The following YIPF6 variants were observed in gnomAD, a reference collection of about 807,000 sequenced individuals.
YIPF6 encodes protein YIPF6.
YIPF6 carries 3 observed loss-of-function variants against 16.8 expected under a neutral mutation model. The ratio of observed to expected loss-of-function variants is 0.18; its 90% CI spans 0.08 to 0.46. YIPF6 has a LOEUF of 0.46. YIPF6 is among the 20% of genes least tolerant of loss of function. YIPF6 has a pLI of 0.98. For missense variants in YIPF6, 145 were observed against 184.9 expected, an observed-to-expected ratio of 0.78 and a Z score of 1.25; for synonymous variants, 67 against 61.9, an observed-to-expected ratio of 1.08 and a Z score of -0.38.
intron 1 of YIPF6, among the ~76,000 whole-genome samples, chrX:68,509,397 C>A (rs1287889002): frequency 9.0e-6 from 1 of 111,518 alleles, no homozygotes; most frequent in Non-Finnish European, 1.9e-5. Flanking sequence ...GGGTTACAGG[C>A]ATGAGCCACT....
chrX:68,526,774 G>A (rs7054638), intron 6 of YIPF6, among the ~76,000 whole-genome samples: 12,663 of 111,492 alleles, frequency 0.11, 1,181 homozygotes, highest in African/African-American at 0.31. Context: ...GATGAATTAC[G>A]TTTATTGATT....
In YIPF6 at chrX:68,519,476, T is replaced by G. The variant is rs761455940; in HGVS notation, c.308+664T>G. On this transcript the variant is annotated intron_variant, in intron 4 of 6. Coordinates refer to ENST00000462683, the MANE Select transcript of YIPF6 (RefSeq NM_173834.4). The stretch of plus-strand genomic sequence containing the variant: ...ATACTTTCTCTTATTTTAACCTCAT[T>G]GCAATAATTAAAATTATTTTATTTT... Among the ~76,000 whole-genome samples the G allele has an allele frequency of 3.2e-4, 36 of 111,576 alleles. No individual in the cohort carries two copies. In the South Asian group the frequency reaches 0.013, roughly 41 times the overall value.
At chrX:68,512,715 T>C (rs979925286) in intron 2 of YIPF6, among the ~76,000 whole-genome samples, 2 of 111,470 alleles carry the variant, frequency 1.8e-5, no homozygotes, top group African/African-American at 6.5e-5. Context: ...TAAATTATGT[T>C]TACAAAGTGT....
At position 68,537,199 on chromosome X, in the gene YIPF6, T is replaced by C. The variant is rs2079194973; in HGVS notation, c.*5200T>C. The C allele has an allele frequency of 8.9e-6, 1 of 112,157 alleles. No homozygotes were observed. Among genetic ancestry groups the C allele is most frequent in the Non-Finnish European group, 1.9e-5 (1 of 53,281 alleles). 9.2% of individuals were successfully genotyped at this position (112,157 alleles called of 1,213,427 possible). ...TTTCAATACTCCATTTTAATCTTGA[T>C]TTTTTTCTATAAATAATAAATCTGT... On this transcript the variant is annotated 3_prime_UTR_variant, in exon 7 of 7. Coordinates refer to ENST00000462683, the MANE Select transcript of YIPF6 (RefSeq NM_173834.4).
At chrX:68,500,174 A>G (rs1309228676) in intron 1 of YIPF6, among the ~76,000 whole-genome samples, 1 of 112,100 alleles carries the variant, frequency 8.9e-6, no homozygotes, top group East Asian at 2.8e-4. Context: ...CAAATGGCAT[A>G]ATTTATGTAA....
chrX:68,510,534 G>T (rs2079076275), intron 1 of YIPF6: 1 of 108,758 alleles, frequency 9.2e-6, no homozygotes, highest in Non-Finnish European at 1.9e-5. Flanking sequence ...TATGAGTGTG[G>T]TTAAGAAATT....
At chrX:68,515,582 A>G (rs1204459784) in intron 3 of YIPF6, among the ~76,000 whole-genome samples, 1 of 111,371 alleles carries the variant, frequency 9.0e-6, no homozygotes, top group Non-Finnish European at 1.9e-5. Flanking sequence ...CTGGGGCATT[A>G]ACACGCATGA....
Position 68,513,616 on chromosome X carries a change from C to G in YIPF6, c.265+211C>G, listed in dbSNP as rs1430818227. 9 of 231,053 alleles carry G rather than the reference C, an allele frequency of 3.9e-5. No individual in the cohort carries two copies. In the East Asian group the frequency reaches 7.9e-4, roughly 20 times the overall value. 19.0% of individuals were successfully genotyped at this position (231,053 alleles called of 1,213,427 possible). On this transcript the variant is annotated intron_variant, in intron 3 of 6. Transcript: ENST00000462683. The stretch of plus-strand genomic sequence containing the variant: ...TTTTCATTTTTTTTTGAGACAGAGT[C>G]TCACTCTGACTTCCAGGCTGGAGTG...
chrX:68,523,586 T>C (rs1602466332), intron 6 of YIPF6, among the ~76,000 whole-genome samples: 1 of 112,417 alleles, frequency 8.9e-6, no homozygotes, highest in African/African-American at 3.2e-5. Flanking sequence ...GAAGGGCCTA[T>C]AGCAATGATA....
rs56988499 is a variant in YIPF6 at position 68,517,576 on chromosome X, G to T, written c.266-1194G>T. Reference sequence around the variant, plus strand: ...CTTGTGAAATTACCAATACTGGGCTGTTTTTTCACCTAGAAGAATAGCAAC... The same window carrying T: ...CTTGTGAAATTACCAATACTGGGCTTTTTTTTCACCTAGAAGAATAGCAAC... On this transcript the variant is annotated intron_variant, in intron 3 of 6. Transcript: ENST00000462683. Among the ~76,000 whole-genome samples the T allele has an allele frequency of 9.9e-3, 1,115 of 112,275 alleles. 11 individuals carry two copies. The highest frequency in any genetic ancestry group is 0.033 in the African/African-American group (1,037 of 30,983).
chrX:68,521,254 A>T lies in YIPF6; in HGVS notation c.309-118A>T. The T allele has an allele frequency of 1.1e-6, 1 of 872,798 alleles. No homozygotes were observed. The highest frequency in any genetic ancestry group is 3.4e-5 in the East Asian group (1 of 29,675). 71.9% of individuals were successfully genotyped at this position (872,798 alleles called of 1,213,427 possible). A position where few individuals can be genotyped will look rare whatever the true frequency, so the allele number is the denominator to read the frequency against. ...TTCCTTTTAGCACAACCTACATATT[A>T]CAGATCTTCAGGTGAGGTATGGCAC... On this transcript the variant is annotated intron_variant, in intron 4 of 6. Coordinates refer to ENST00000462683, the MANE Select transcript of YIPF6 (RefSeq NM_173834.4).
chrX:68,499,785 G>A (rs1678627410), intron 1 of YIPF6, among the ~76,000 whole-genome samples: 1 of 111,965 alleles, frequency 8.9e-6, no homozygotes, highest in South Asian at 3.7e-4. Context: ...CCACAGGTGC[G>A]TGTCACCACA....
chrX:68,513,536 A>C (rs2079089485), intron 3 of YIPF6, 131 bp downstream of exon 3: 1 of 355,962 alleles, frequency 2.8e-6, no homozygotes, highest in African/African-American at 2.7e-5. Context: ...TATGTAAACG[A>C]ATATGTAAAT....
intron 1 of YIPF6, among the ~76,000 whole-genome samples, chrX:68,503,777 G>A (rs754852560): frequency 1.1e-3 from 121 of 112,247 alleles, no homozygotes; most frequent in African/African-American, 3.8e-3. Flanking sequence ...GGGTTCCCAC[G>A]TTCCGCTCAG....
In YIPF6 at chrX:68,535,624, G is replaced by T. The variant is rs371414356; in HGVS notation, c.*3625G>T. The stretch of plus-strand genomic sequence containing the variant: ...TGTTAAAAATAGAGAATTTCTTGGG[G>T]TTTACTTAGGCCACAGAATGGCCAA... On this transcript the variant is annotated 3_prime_UTR_variant, in exon 7 of 7. Transcript: ENST00000462683. 21 of 111,415 alleles carry T rather than the reference G, an allele frequency of 1.9e-4. No individual in the cohort carries two copies. In the South Asian group the frequency reaches 7.6e-3, roughly 40 times the overall value. The allele number at this position is 111,415 out of a possible 1,213,427, so 9.2% of individuals were successfully genotyped here.
At chrX:68,499,185 C>CG (rs1313712902) in intron 1 of YIPF6, 62 bp downstream of exon 1, 12 of 1,124,061 alleles carry the variant, frequency 1.1e-5, no homozygotes, top group Non-Finnish European at 1.4e-5. Flanking sequence ...CTAAAGAAGT[C>CG]GGGGGACGGG....
chrX:68,517,797 A>G (rs1339923538), intron 3 of YIPF6, among the ~76,000 whole-genome samples: 11 of 105,741 alleles, frequency 1.0e-4, no homozygotes, highest in Non-Finnish European at 1.6e-4. Context: ...GTGAAACTCC[A>G]TCTGTACAAA....
intron 4 of YIPF6, among the ~76,000 whole-genome samples, chrX:68,519,075 T>C (rs1391162280): frequency 1.8e-5 from 2 of 112,235 alleles, no homozygotes; most frequent in Non-Finnish European, 3.8e-5. Context: ...TATTTACTTA[T>C]TTACTCTCCT....
At chrX:68,516,286 A>G (rs891057869) in intron 3 of YIPF6, among the ~76,000 whole-genome samples, 2 of 111,935 alleles carry the variant, frequency 1.8e-5, no homozygotes, top group African/African-American at 6.5e-5. Context: ...TTTTGTCATT[A>G]TCAAGTAGAG....
Sources: gnomAD v4.1 joint callset for allele counts (sites outside exome capture counted in the v4.1 genomes callset) on GRCh38, gnomAD v4.1.1 for gene constraint, MANE v1.5 for transcripts, NCBI Gene and HGNC (gene_info 2026-07-23, HGNC 2026-07-21) for gene names.